GPR107: variants seen among roughly 807,000 people sequenced by gnomAD.
GPR107 encodes G protein-coupled receptor 107.
A neutral mutation model predicts 75.5 loss-of-function variants in GPR107; 31 were observed. The ratio of observed to expected loss-of-function variants is 0.41; its 90% CI spans 0.31 to 0.55. GPR107 has a LOEUF of 0.55. GPR107 is among the 20% of genes least tolerant of loss of function. The probability of loss-of-function intolerance (pLI) is 0.26; values close to 1 mark genes in which losing one functional copy is unlikely to be tolerated. For synonymous variants in GPR107, 267 were observed against 251.3 expected (o/e 1.06, Z -0.59); for missense variants, 572 against 665.7 (o/e 0.86, Z 1.55).
At chr9:130,134,647 G>T (rs556131247) in intron 17 of GPR107, among the ~76,000 whole-genome samples, 7 of 152,338 alleles carry the variant, frequency 4.6e-5, no homozygotes, top group Admixed American at 4.6e-4. Context: ...TTTTCTGAAT[G>T]TCCATTAAGA....
At position 130,100,682 on chromosome 9, in the gene GPR107, T is replaced by A; in HGVS notation, c.993T>A (p.Val331=). Residue 331 remains valine (V), a synonymous_variant, in exon 11 of 18, where the codon GTT becomes GTA. Coordinates refer to ENST00000347136, the MANE Select transcript of GPR107 (RefSeq NM_020960.5). ...SQGFPIEGWA[V]VYYITHLLKG... is the part of the protein sequence containing the mutation. The stretch of plus-strand genomic sequence containing the variant: ...GCTTCCCTATCGAAGGCTGGGCTGT[T>A]GTGTACTACATAACTCACCTGTAAG... 6.2e-7 allele frequency: 1 copy of A among 1,611,892 alleles called. No individual in the cohort carries two copies.
chr9:130,122,610 C>G (rs940690511), intron 14 of GPR107, among the ~76,000 whole-genome samples: 1 of 152,068 alleles, frequency 6.6e-6, no homozygotes. Flanking sequence ...CTTCGGTGCC[C>G]TTCTCTTCTC....
rs3739864 is a variant in GPR107 at position 130,131,060 on chromosome 9, G to C, written c.1562+2299G>C. On this transcript the variant is annotated intron_variant, in intron 17 of 17. Transcript: ENST00000347136. ...GATGTCAAGGAAAGAACGCTTATCT[G>C]CGGCGGTCGGATGTTGGCCCTTCAG... Among the ~76,000 whole-genome samples the C allele has an allele frequency of 1.0e-3, 158 of 152,256 alleles. 3 individuals are homozygous for C. In the East Asian group the frequency reaches 0.012, roughly 12 times the overall value.
chr9:130,132,852 A>G (rs34104996), intron 17 of GPR107: 24,466 of 150,264 alleles, frequency 0.16, 2,216 homozygotes, highest in Non-Finnish European at 0.21. Context: ...CACATATACA[A>G]TCCACACACT....
chr9:130,132,165 G>T (rs782458180), intron 17 of GPR107, among the ~76,000 whole-genome samples: 1 of 151,998 alleles, frequency 6.6e-6, no homozygotes, highest in Non-Finnish European at 1.5e-5. Flanking sequence ...GAATGCAGGC[G>T]TGAGCTGCCC....
At chr9:130,125,092 T>C in intron 15 of GPR107, 128 bp downstream of exon 15, 1 of 429,674 alleles carries the variant, frequency 2.3e-6, no homozygotes. Context: ...GTGGCTTGCT[T>C]TTTTTTTTTT....
chr9:130,104,013 C>T (rs1831099746), intron 12 of GPR107, among the ~76,000 whole-genome samples: 1 of 152,116 alleles, frequency 6.6e-6, no homozygotes, highest in African/African-American at 2.4e-5. Flanking sequence ...GAAGCTTGCT[C>T]AGGTGGGGAC....
Position 130,053,957 on chromosome 9 carries a change from TC to T in GPR107, c.30del (p.Ala11ProfsTer40). The part of the protein sequence containing the change: MAALAPVG[S>X]PASRGPRLAA... ...CATGGCCGCTCTGGCGCCCGTCGGC[TC>T]CCCCGCCTCCCGCGGTCCTAGGCTG... On this transcript the variant is annotated frameshift_variant, in exon 1 of 18. Transcript: ENST00000347136. LOFTEE classifies it high-confidence loss of function. 6.4e-7 allele frequency: 1 copy of T among 1,554,576 alleles called. No individual in the cohort carries two copies. The highest frequency in any genetic ancestry group is 8.7e-7 in the Non-Finnish European group (1 of 1,150,624).
rs184533086 is a variant in GPR107, at chr9:130,131,824, G to A, written c.1562+3063G>A. The stretch of plus-strand genomic sequence containing the variant: ...CAGCCCCACCCCGCCTCTTGCTCTC[G>A]TGCCTGGGCTTTGTGGTGGCTGACC... On this transcript the variant is annotated intron_variant, in intron 17 of 17. Coordinates refer to ENST00000347136, the MANE Select transcript of GPR107 (RefSeq NM_020960.5). Among the ~76,000 whole-genome samples, 690 of 152,148 alleles carry A rather than the reference G, an allele frequency of 4.5e-3. 21 individuals carry two copies. Among genetic ancestry groups the A allele is most frequent in the Admixed American group, 0.035 (538 of 15,276 alleles).
chr9:130,077,627 T>C (rs1830386152), intron 4 of GPR107, among the ~76,000 whole-genome samples: 1 of 152,154 alleles, frequency 6.6e-6, no homozygotes, highest in African/African-American at 2.4e-5. Flanking sequence ...AAGGAGAGGC[T>C]TCAGATAAGT....
At chr9:130,124,652 G>T (rs2302413) in intron 14 of GPR107, among the ~76,000 whole-genome samples, 98,722 of 151,998 alleles carry the variant, frequency 0.65, 32,103 homozygotes, top group East Asian at 0.82. Context: ...CCAGGTTACA[G>T]CTGCTGACCC....
At chr9:130,078,440 C>T (rs138253421) in intron 4 of GPR107, among the ~76,000 whole-genome samples, 410 of 152,228 alleles carry the variant, frequency 2.7e-3, no homozygotes, top group African/African-American at 3.5e-3. Flanking sequence ...AAATATTCTC[C>T]GTGATAACCT....
intron 14 of GPR107, among the ~76,000 whole-genome samples, chr9:130,109,412 C>G (rs1393465589): frequency 1.4e-4 from 22 of 151,988 alleles, no homozygotes; most frequent in Admixed American, 1.4e-3. Context: ...CTCAAGTGAT[C>G]TGCCTGCCTC....
chr9:130,100,315 T>C (rs1370169800), intron 10 of GPR107, among the ~76,000 whole-genome samples: 2 of 152,228 alleles, frequency 1.3e-5, no homozygotes, highest in East Asian at 3.8e-4. Context: ...GGCATGAGAA[T>C]TGAGCCTCAG....
chr9:130,104,519 T>C lies in GPR107; in HGVS notation c.1231T>C (p.Cys411Arg). 5 of 1,613,948 alleles carry C rather than the reference T, an allele frequency of 3.1e-6. No individual in the cohort carries two copies. The highest frequency in any genetic ancestry group is 4.2e-6 in the Non-Finnish European group (5 of 1,179,804). ...KDSLFLVDLL[C>R]CGAILFPVVW... ...CTCTCTATTTCTGGTCGACCTGTTGTGTTGTGGTGCCATCCTCTTCCCAGT... is the reference window on the plus strand; with the variant it reads ...CTCTCTATTTCTGGTCGACCTGTTGCGTTGTGGTGCCATCCTCTTCCCAGT... The change falls in exon 13 of 18, where the codon TGT becomes CGT. Residue 411 changes from cysteine (C) to arginine (R), a missense_variant. Transcript: ENST00000347136.
Position 130,132,757 on chromosome 9 carries a change from GCCTGGGTGACAGAGCGAGACTTCATCT to G in GPR107, c.1563-2266_1563-2240del, listed in dbSNP as rs1415647078. Reference sequence around the variant, plus strand: ...GTCGAGATGGCGCCACTGCACTCCAGCCTGGGTGACAGAGCGAGACTTCATCTCAAAAAATCAAATAAAAAAAAAATA... The same window carrying G: ...GTCGAGATGGCGCCACTGCACTCCAGCAAAAAATCAAATAAAAAAAAAATA... On this transcript the variant is annotated intron_variant, in intron 17 of 17. Coordinates refer to ENST00000347136, the MANE Select transcript of GPR107 (RefSeq NM_020960.5). 2.6e-5 allele frequency among the ~76,000 whole-genome samples: 4 copies of G among 151,716 alleles called. No homozygotes were observed. In the East Asian group the frequency reaches 7.7e-4, roughly 29 times the overall value.
intron 1 of GPR107, among the ~76,000 whole-genome samples, chr9:130,061,654 C>T (rs1004062931): frequency 3.3e-5 from 5 of 152,242 alleles, no homozygotes; most frequent in African/African-American, 1.2e-4. Flanking sequence ...TAAGAATTAG[C>T]CAGGGCAGGC....
At position 130,138,362 on chromosome 9, in the gene GPR107, G is replaced by A. The variant is rs61456260; in HGVS notation, c.*3241G>A. The A allele has an allele frequency of 0.22, 34,113 of 151,886 alleles. 4,525 individuals are homozygous for A. The highest frequency in any genetic ancestry group is 0.37 in the East Asian group (1,884 of 5,112). 9.4% of individuals were successfully genotyped at this position (151,886 alleles called of 1,614,324 possible). On this transcript the variant is annotated 3_prime_UTR_variant, in exon 18 of 18. Coordinates refer to ENST00000347136, the MANE Select transcript of GPR107 (RefSeq NM_020960.5). Reference sequence around the variant, plus strand: ...TCGTGTGGGTGAGATTTCCTCCTGCGTGATGACCTCATCGCCATCTCTGCT... The same window carrying A: ...TCGTGTGGGTGAGATTTCCTCCTGCATGATGACCTCATCGCCATCTCTGCT...
intron 14 of GPR107, among the ~76,000 whole-genome samples, chr9:130,113,699 G>A (rs533014525): frequency 1.3e-5 from 2 of 152,258 alleles, no homozygotes; most frequent in East Asian, 3.9e-4. Flanking sequence ...TCATGCATGG[G>A]GGTAAAAGCT....
Sources: allele counts gnomAD v4.1 joint callset (sites outside exome capture counted in the v4.1 genomes callset), GRCh38; gene constraint gnomAD v4.1.1; transcripts MANE v1.5; gene names NCBI Gene and HGNC (gene_info 2026-07-23, HGNC 2026-07-21).